Variants in CPPED1 observed in about 807,000 individuals in gnomAD.
CPPED1 encodes calcineurin like phosphoesterase domain containing 1, also known as serine/threonine-protein phosphatase CPPED1.
In CPPED1, 28 loss-of-function variants were observed where a neutral mutation model predicts 28.0. The observed-to-expected ratio is 1.00, with a 90% CI of 0.74 to 1.37. CPPED1 has a LOEUF of 1.37. Among genes scored for constraint, CPPED1 ranks in the 40% most tolerant of loss-of-function variants. The pLI, the probability that CPPED1 is intolerant of heterozygous loss-of-function variation, is 0.00. For synonymous variants in CPPED1, 198 were observed against 180.2 expected, an observed-to-expected ratio of 1.10 and a Z score of -0.79; for missense variants, 504 against 416.5, an observed-to-expected ratio of 1.21 and a Z score of -1.83.
chr16:12,718,046 A>C (rs2080116651), intron 2 of CPPED1, among the ~76,000 whole-genome samples: 1 of 152,248 alleles, frequency 6.6e-6, no homozygotes, highest in South Asian at 2.1e-4. Context: ...AGAATGGGAA[A>C]GACTACACTG....
chr16:12,720,145 C>T (rs1339174785), intron 2 of CPPED1, among the ~76,000 whole-genome samples: 1 of 152,144 alleles, frequency 6.6e-6, no homozygotes, highest in Admixed American at 6.6e-5. Context: ...ATCCTGTCTT[C>T]CCGAGAGAGA....
At chr16:12,674,682 T>C (rs537445166) in intron 3 of CPPED1, among the ~76,000 whole-genome samples, 85 of 152,200 alleles carry the variant, frequency 5.6e-4, no homozygotes, top group Middle Eastern at 3.4e-3. Context: ...ATGAGAAAAC[T>C]GAGGCCCAGA....
chr16:12,729,465 A>C (rs1402926985), intron 2 of CPPED1, among the ~76,000 whole-genome samples: 2 of 152,236 alleles, frequency 1.3e-5, no homozygotes, highest in East Asian at 3.8e-4. Flanking sequence ...CTGTACCTTC[A>C]GTTTGAACTG....
intron 3 of CPPED1, among the ~76,000 whole-genome samples, chr16:12,688,743 T>C (rs929790422): frequency 6.6e-6 from 1 of 152,354 alleles, no homozygotes; most frequent in Admixed American, 6.5e-5. Context: ...CTCCACCTCA[T>C]GTGTTTCCCT....
intron 2 of CPPED1, among the ~76,000 whole-genome samples, chr16:12,722,679 T>C (rs1031608316): frequency 5.9e-5 from 9 of 152,110 alleles, no homozygotes; most frequent in South Asian, 2.1e-4. Context: ...TGAGCTGTCA[T>C]TGCACCACTG....
intron 2 of CPPED1, among the ~76,000 whole-genome samples, chr16:12,759,615 G>A (rs753409096): frequency 1.3e-5 from 2 of 152,226 alleles, no homozygotes; most frequent in African/African-American, 2.4e-5. Flanking sequence ...TGTGTCAAGG[G>A]AGGGACCTGG....
At chr16:12,746,844 AAAG>A (rs2080292026) in intron 2 of CPPED1, among the ~76,000 whole-genome samples, 1 of 152,160 alleles carries the variant, frequency 6.6e-6, no homozygotes, top group African/African-American at 2.4e-5. Context: ...GTGAGAAGTT[AAAG>A]ATGTACACTG....
At chr16:12,793,308 G>A (rs975567520) in intron 1 of CPPED1, among the ~76,000 whole-genome samples, 7 of 152,132 alleles carry the variant, frequency 4.6e-5, no homozygotes, top group South Asian at 4.1e-4. Context: ...CTGTGGAGAC[G>A]CGCTCCAGGG....
chr16:12,719,040 T>TACATGGCGG (rs2080123429), intron 2 of CPPED1, among the ~76,000 whole-genome samples: 1 of 152,012 alleles, frequency 6.6e-6, no homozygotes, highest in Admixed American at 6.5e-5. Context: ...AGGCATGTCT[T>TACATGGCGG]ACATGGCGGC....
rs1464882930 is a variant in CPPED1 at position 12,774,945 on chromosome 16, C to T, written c.289+6240G>A. Among the ~76,000 whole-genome samples, 3 of 152,112 alleles carry T rather than the reference C, an allele frequency of 2.0e-5. No individual in the cohort carries two copies. In the East Asian group the frequency reaches 5.8e-4, roughly 29 times the overall value. On this transcript the variant is annotated intron_variant, in intron 2 of 3. Transcript: ENST00000381774. ...AAGCAATCCTCTCGCCTCAGCCTCC[C>T]AAGTAGCTGGGTCTACAGGTGTGCA...
chr16:12,708,821 T>C (rs995503536), intron 2 of CPPED1, among the ~76,000 whole-genome samples: 5 of 152,208 alleles, frequency 3.3e-5, no homozygotes, highest in African/African-American at 1.2e-4. Flanking sequence ...GGCTCATGCC[T>C]GTACTCCCAG....
intron 2 of CPPED1, among the ~76,000 whole-genome samples, chr16:12,749,434 T>C (rs1164847440): frequency 6.6e-6 from 1 of 152,240 alleles, no homozygotes; most frequent in African/African-American, 2.4e-5. Flanking sequence ...CAGACTCCAC[T>C]TTTAATTCCA....
intron 3 of CPPED1, among the ~76,000 whole-genome samples, chr16:12,674,900 G>A (rs993324721): frequency 3.3e-5 from 5 of 152,184 alleles, no homozygotes; most frequent in African/African-American, 1.2e-4. Flanking sequence ...GAGCATGGGT[G>A]TCAGTACCAA....
chr16:12,722,310 G>A (rs1391846054), intron 2 of CPPED1, among the ~76,000 whole-genome samples: 1 of 152,194 alleles, frequency 6.6e-6, no homozygotes, highest in Non-Finnish European at 1.5e-5. Context: ...TCGCCCTCAG[G>A]TAAGTAGATG....
At chr16:12,686,241 ATTT>A (rs1555483876) in intron 3 of CPPED1, among the ~76,000 whole-genome samples, 4 of 106,896 alleles carry the variant, frequency 3.7e-5, no homozygotes, top group African/African-American at 1.6e-4. Flanking sequence ...ATATATATAT[ATTT>A]TTTTTTTTGA....
intron 3 of CPPED1, among the ~76,000 whole-genome samples, chr16:12,700,520 A>G (rs538792289): frequency 6.6e-6 from 1 of 152,328 alleles, no homozygotes; most frequent in East Asian, 1.9e-4. Flanking sequence ...CCTCCGCAGT[A>G]GCTGGGATTA....
chr16:12,754,098 T>C (rs2080349077), intron 2 of CPPED1, among the ~76,000 whole-genome samples: 1 of 152,052 alleles, frequency 6.6e-6, no homozygotes, highest in Non-Finnish European at 1.5e-5. Context: ...CTTTTTCAGG[T>C]AGAAGAAAAC....
intron 2 of CPPED1, among the ~76,000 whole-genome samples, chr16:12,720,757 C>T (rs184353487): frequency 5.1e-4 from 78 of 152,346 alleles, no homozygotes; most frequent in African/African-American, 1.7e-3. Flanking sequence ...GGATTACAGG[C>T]GTGCGCCATC....
rs564738777 is a variant in CPPED1 at position 12,719,327 on chromosome 16, C to T, written c.290-14278G>A. ...AATGGCGTGAACCCAGGAGGCGGAG[C>T]TTGCAGTGAGCCGAGATAGCGCCAC... is the stretch of plus-strand genomic sequence containing the variant. On this transcript the variant is annotated intron_variant, in intron 2 of 3. Coordinates refer to ENST00000381774, the MANE Select transcript of CPPED1 (RefSeq NM_018340.3). 2.7e-5 allele frequency among the ~76,000 whole-genome samples: 4 copies of T among 150,128 alleles called. No homozygotes were observed. In the South Asian group the frequency reaches 8.4e-4, roughly 32 times the overall value.
Sources: gnomAD v4.1 joint callset for allele counts (sites outside exome capture counted in the v4.1 genomes callset) on GRCh38, gnomAD v4.1.1 for gene constraint, MANE v1.5 for transcripts, NCBI Gene and HGNC (gene_info 2026-07-23, HGNC 2026-07-21) for gene names.